The following PLSCR2 variants were observed in gnomAD, a reference collection of about 807,000 sequenced individuals.
PLSCR2 encodes the protein PL scramblase 2.
PLSCR2 carries 18 observed loss-of-function variants against 25.3 expected under a neutral mutation model. The observed-to-expected ratio is 0.71, with a 90% CI of 0.49 to 1.06. The LOEUF (loss-of-function observed/expected upper bound fraction) is 1.06, where lower values mean the gene tolerates loss of function less well. PLSCR2 is among the 50% of genes least tolerant of loss of function. PLSCR2 has a pLI of 0.00. For synonymous variants in PLSCR2, 88 were observed against 87.3 expected (o/e 1.01, Z -0.04); for missense variants, 243 against 269.5 (o/e 0.90, Z 0.69).
chr3:146,485,605 C>G (rs2043310380), intron 1 of PLSCR2, among the ~76,000 whole-genome samples: 1 of 152,088 alleles, frequency 6.6e-6, no homozygotes, highest in Non-Finnish European at 1.5e-5. Context: ...AACAGTCTAT[C>G]AGACCACAGC....
chr3:146,440,616 G>A (rs2040184512), downstream of PLSCR2, among the ~76,000 whole-genome samples: 1 of 152,066 alleles, frequency 6.6e-6, no homozygotes, highest in South Asian at 2.1e-4. Flanking sequence ...TTTCTCAGTT[G>A]GAAAAGCTGA....
chr3:146,475,309 C>T (rs181468324), intron 1 of PLSCR2, among the ~76,000 whole-genome samples: 2 of 152,004 alleles, frequency 1.3e-5, no homozygotes, highest in East Asian at 3.9e-4. Context: ...GGCTGCTGAC[C>T]CTTGCATGGG....
At position 146,423,282 on chromosome 3, in the gene PLSCR2, T is replaced by TCTCTCTCTCTCTCTCTCTCC. The variant is rs758576585; in HGVS notation, c.101-27362_101-27361insGGAGAGAGAGAGAGAGAGAG. On this transcript the variant is annotated intron_variant and NMD_transcript_variant, in intron 2 of 3. Transcript: ENST00000463633. ...CTCTCTCTCTCTCTCTCTCTCTCTCTCCCTGGCTAGATTCTCACAAGAAAC... is the reference window on the plus strand; with the variant it reads ...CTCTCTCTCTCTCTCTCTCTCTCTCTCTCTCTCTCTCTCTCTCTCCCCCTGGCTAGATTCTCACAAGAAAC... Among the ~76,000 whole-genome samples, 271 of 100,976 alleles carry TCTCTCTCTCTCTCTCTCTCC rather than the reference T, an allele frequency of 2.7e-3. 49 individuals carry two copies. The highest frequency in any genetic ancestry group is 3.2e-3 in the Non-Finnish European group (162 of 50,480). The allele number at this position is 100,976 out of a possible 152,430, so 66.2% of individuals were successfully genotyped here.
intron 1 of PLSCR2, among the ~76,000 whole-genome samples, chr3:146,490,245 C>A (rs975662852): frequency 1.3e-5 from 2 of 152,024 alleles, no homozygotes; most frequent in African/African-American, 2.4e-5. Context: ...GAGGAACCAC[C>A]ATTTGGAGGA....
intron 2 of PLSCR2, among the ~76,000 whole-genome samples, chr3:146,459,303 A>T (rs2041412282): frequency 6.6e-6 from 1 of 152,222 alleles, no homozygotes; most frequent in African/African-American, 2.4e-5. Flanking sequence ...CTGCTTACTA[A>T]AACTCAACTC....
intron 2 of PLSCR2, among the ~76,000 whole-genome samples, chr3:146,399,588 C>A (rs957279585): frequency 4.0e-5 from 6 of 151,642 alleles, no homozygotes; most frequent in African/African-American, 1.4e-4. Flanking sequence ...GCTTAGGAAG[C>A]AAGCATTTGA....
At chr3:146,435,199 CTT>C (rs2039771184) in intron 8 of PLSCR2, among the ~76,000 whole-genome samples, 1 of 152,094 alleles carries the variant, frequency 6.6e-6, no homozygotes. Flanking sequence ...GGTTCCAAGT[CTT>C]TGCTATTATG....
chr3:146,481,572 A>G (rs2043131256), intron 1 of PLSCR2, among the ~76,000 whole-genome samples: 1 of 152,232 alleles, frequency 6.6e-6, no homozygotes, highest in African/African-American at 2.4e-5. Flanking sequence ...GCTCAAGGAA[A>G]TAAGACAGGA....
At chr3:146,394,291 G>C (rs1458805528) in intron 3 of PLSCR2, among the ~76,000 whole-genome samples, 1 of 151,206 alleles carries the variant, frequency 6.6e-6, no homozygotes, top group African/African-American at 2.4e-5. Flanking sequence ...TTTTGAGATG[G>C]AGTTTCGCTC....
intron 1 of PLSCR2, among the ~76,000 whole-genome samples, chr3:146,471,534 T>C (rs1309410099): frequency 6.6e-6 from 1 of 152,186 alleles, no homozygotes; most frequent in South Asian, 2.1e-4. Context: ...GTGGTCTTTA[T>C]ATATTGTGGG....
intron 4 of PLSCR2, 137 bp from the exon 5 acceptor site, chr3:146,454,300 G>T: frequency 1.8e-6 from 1 of 543,008 alleles, no homozygotes; most frequent in Non-Finnish European, 3.1e-6. Context: ...TTTAAAGATT[G>T]AATAAGGTAA....
rs559341487 is a variant in PLSCR2, at chr3:146,468,818, A to C, written c.-292-8534T>G. On this transcript the variant is annotated intron_variant, in intron 1 of 8. Coordinates refer to the PLSCR2 transcript ENST00000336685. ...GTTCCTATTTCGTTGAAAAACAAAC[A>C]AAAAATCTCACATTCTCCCAATGTG... is the stretch of plus-strand genomic sequence containing the variant. 7.1e-4 allele frequency among the ~76,000 whole-genome samples: 108 copies of C among 152,220 alleles called. 1 individual carries two copies. The highest frequency in any genetic ancestry group is 2.5e-3 in the African/African-American group (102 of 41,540).
chr3:146,422,903 G>T (rs2039196854), intron 2 of PLSCR2, among the ~76,000 whole-genome samples: 1 of 151,986 alleles, frequency 6.6e-6, no homozygotes, highest in African/African-American at 2.4e-5. Context: ...TAATAGGTTT[G>T]TGATCTGTGA....
chr3:146,443,104 C>A (rs1021057180), intron 6 of PLSCR2, among the ~76,000 whole-genome samples: 2 of 151,878 alleles, frequency 1.3e-5, no homozygotes, highest in Non-Finnish European at 2.9e-5. Context: ...CTTTTTGCTT[C>A]TCTGTGATAA....
At chr3:146,449,472 C>G in intron 5 of PLSCR2, 105 bp from the exon 6 acceptor site, 1 of 709,630 alleles carries the variant, frequency 1.4e-6, no homozygotes, top group Non-Finnish European at 2.3e-6. Context: ...TACATTTATG[C>G]ACCATACATG....
Position 146,448,691 on chromosome 3 carries a change from A to T in PLSCR2, c.645+515T>A, listed in dbSNP as rs905069726. Among the ~76,000 whole-genome samples, 6 of 152,222 alleles carry T rather than the reference A, an allele frequency of 3.9e-5. No individual in the cohort carries two copies. In the East Asian group the frequency reaches 9.6e-4, roughly 24 times the overall value. ...GAATGGCCTGATACTTGAGGGTTTT[A>T]AAAAAGTTTCTAGATAATTCTAATA... On this transcript the variant is annotated intron_variant, in intron 6 of 6. Coordinates refer to ENST00000610787, the Ensembl canonical transcript of PLSCR2.
intron 6 of PLSCR2, among the ~76,000 whole-genome samples, chr3:146,442,393 G>C (rs2040299054): frequency 6.6e-6 from 1 of 151,916 alleles, no homozygotes; most frequent in Non-Finnish European, 1.5e-5. Flanking sequence ...TACTGAAAGG[G>C]AACTACAGAT....
At chr3:146,422,111 C>A (rs547751692) in intron 2 of PLSCR2, among the ~76,000 whole-genome samples, 146 of 152,100 alleles carry the variant, frequency 9.6e-4, no homozygotes, top group Non-Finnish European at 1.7e-3. Flanking sequence ...TCAGGGTTAC[C>A]TTTTTCTACC....
downstream of PLSCR2, among the ~76,000 whole-genome samples, chr3:146,428,775 C>A (rs2039441791): frequency 6.6e-6 from 1 of 152,168 alleles, no homozygotes; most frequent in African/African-American, 2.4e-5. Flanking sequence ...AGTTTGGCAT[C>A]TTGCATAAAG....
Sources: gnomAD v4.1 joint callset for allele counts (sites outside exome capture counted in the v4.1 genomes callset) on GRCh38, gnomAD v4.1.1 for gene constraint, MANE v1.5 for transcripts, NCBI Gene and HGNC (gene_info 2026-07-23, HGNC 2026-07-21) for gene names.